CCDC61: variants seen among roughly 807,000 people sequenced by gnomAD.
CCDC61 encodes centrosomal protein CCDC61.
Under a neutral mutation model 63.0 loss-of-function variants are expected in CCDC61, and 55 were observed. That is an observed-to-expected ratio of 0.87 (90% confidence interval 0.70 to 1.09). CCDC61 has a LOEUF of 1.09. Among genes scored for constraint, CCDC61 ranks in the 50% least tolerant of loss-of-function variants. The pLI is 0.00. For missense variants in CCDC61, 651 were observed against 731.4 expected (o/e 0.89, Z 1.27); for synonymous variants, 270 against 317.0 (o/e 0.85, Z 1.58).
At chr19:46,008,861 C>T (rs577175915) in intron 5 of CCDC61, among the ~76,000 whole-genome samples, 2 of 152,190 alleles carry the variant, frequency 1.3e-5, no homozygotes, top group East Asian at 3.9e-4. Flanking sequence ...GGTACCTGAC[C>T]CTGCCTGGTA....
chr19:45,995,641 C>CT (rs1968478694), intron 1 of CCDC61, 137 bp downstream of exon 1: 1 of 358,734 alleles, frequency 2.8e-6, no homozygotes, highest in African/African-American at 2.2e-5. Flanking sequence ...GGAGGGTGCC[C>CT]TTTAACAAGG....
At position 46,017,073 on chromosome 19, in the gene CCDC61, A is replaced by C; in HGVS notation, c.1310+4A>C. 6.2e-7 allele frequency: 1 copy of C among 1,611,440 alleles called. No homozygotes were observed. Among genetic ancestry groups the C allele is most frequent in the Non-Finnish European group, 8.5e-7 (1 of 1,178,780 alleles). On this transcript the variant is annotated splice_donor_region_variant and intron_variant, in intron 11 of 13. Coordinates refer to ENST00000595358, the MANE Select transcript of CCDC61 (RefSeq NM_001267723.2). The stretch of plus-strand genomic sequence containing the variant: ...TCTCTGAGTCGCTCTCCAGAGGGTA[A>C]AACTTGAACTTGGGAAAAGGATCGC...
chr19:46,017,261 G>C lies in CCDC61; in HGVS notation c.1325G>C (p.Arg442Pro). 6.4e-7 allele frequency: 1 copy of C among 1,565,642 alleles called. No individual in the cohort carries two copies. The highest frequency in any genetic ancestry group is 8.7e-7 in the Non-Finnish European group (1 of 1,154,686). The stretch of plus-strand genomic sequence containing the variant: ...CTTTTTCTCAGGGGTCACCGCCGCC[G>C]TGGGAAGCCTCCCAGCCCAACGCCC... ...ESLSRGGHRR[R>P]GKPPSPTPWS... Residue 442 changes from arginine to proline, a missense_variant, in exon 12 of 14, where the codon CGT becomes CCT. Coordinates refer to ENST00000595358, the MANE Select transcript of CCDC61 (RefSeq NM_001267723.2).
rs764821371 is a variant in CCDC61, at chr19:46,008,301, A to C, written c.551A>C (p.Gln184Pro). 51 of 1,308,758 alleles carry C rather than the reference A, an allele frequency of 3.9e-5. No individual in the cohort carries two copies. The highest frequency in any genetic ancestry group is 5.3e-5 in the Non-Finnish European group (49 of 931,328). The allele number at this position is 1,308,758 out of a possible 1,614,324, so 81.1% of individuals were successfully genotyped here. A position where few individuals can be genotyped will look rare whatever the true frequency, so the allele number is the denominator to read the frequency against. The change falls in exon 5 of 14, where the codon CAG becomes CCG. Residue 184 changes from glutamine to proline, a missense_variant and splice_region_variant. Physicochemically the swap from Gln to Pro is moderately conservative, Grantham distance 76. Coordinates refer to ENST00000595358, the MANE Select transcript of CCDC61 (RefSeq NM_001267723.2). Reference sequence around the variant, plus strand: ...AATGAGATCTGGCATCTGCGGGAGCAGTGAGTCTTGGAGGGGTGGGCAGCT... The same window carrying C: ...AATGAGATCTGGCATCTGCGGGAGCCGTGAGTCTTGGAGGGGTGGGCAGCT... ...RENEIWHLRE[Q>P]VSRLASEKRE...
At chr19:46,005,146 A>G (rs58959585) in intron 3 of CCDC61, among the ~76,000 whole-genome samples, 2,659 of 151,972 alleles carry the variant, frequency 0.017, 56 homozygotes, top group African/African-American at 0.048. Flanking sequence ...GAGTAGCTGG[A>G]ATTACAGGCA....
intron 5 of CCDC61, among the ~76,000 whole-genome samples, chr19:46,012,637 ACT>A (rs1324056319): frequency 2.0e-5 from 3 of 148,562 alleles, no homozygotes; most frequent in Non-Finnish European, 4.5e-5. Context: ...ACAGAGGGAG[ACT>A]CTATGTGGAA....
At chr19:46,000,809 G>C (rs1968575961) in intron 1 of CCDC61, among the ~76,000 whole-genome samples, 1 of 150,018 alleles carries the variant, frequency 6.7e-6, no homozygotes, top group Non-Finnish European at 1.5e-5. Flanking sequence ...CAGTGTCTGG[G>C]ATCAGGGCGG....
chr19:46,015,682 T>TGCC lies in CCDC61; in HGVS notation c.845+256_845+258dup, dbSNP rs1306953060. 6.6e-6 allele frequency among the ~76,000 whole-genome samples: 1 copy of TGCC among 152,066 alleles called. No individual in the cohort carries two copies. Among genetic ancestry groups the TGCC allele is most frequent in the Non-Finnish European group, 1.5e-5 (1 of 67,996 alleles). The stretch of plus-strand genomic sequence containing the variant: ...TCAGGAGGGACTGGGAAAGGGATCG[T>TGCC]GCCCTAGGGTCTCCTGGTGCGAAAG... On this transcript the variant is annotated intron_variant, in intron 7 of 13. Coordinates refer to ENST00000595358, the MANE Select transcript of CCDC61 (RefSeq NM_001267723.2). The surrounding 1 kb of genome is among the most constrained non-coding windows in gnomAD (Gnocchi z 5.3).
intron 1 of CCDC61, chr19:46,000,097 T>A: frequency 4.1e-5 from 38 of 934,574 alleles, no homozygotes; most frequent in Non-Finnish European, 4.6e-5. Context: ...GAGAGGGGGC[T>A]CAGGGTCCGG....
intron 5 of CCDC61, among the ~76,000 whole-genome samples, chr19:46,009,719 T>C (rs78745377): frequency 0.29 from 43,846 of 152,142 alleles, 6,612 homozygotes; most frequent in African/African-American, 0.34. Context: ...CGCCGGTCTT[T>C]GGAGGAGCTC....
Position 46,003,150 on chromosome 19 carries a change from C to A in CCDC61, c.132C>A (p.Gly44=). Residue 44 remains glycine (G), a synonymous_variant, in exon 2 of 14, where the codon GGC becomes GGA. Coordinates refer to ENST00000595358, the MANE Select transcript of CCDC61 (RefSeq NM_001267723.2). ...GGATGACGGCTGACCAGTGGCGGGG[C>A]GAGTTCGATGCTGGCTGTGAGTGTG... is the stretch of plus-strand genomic sequence containing the variant. ...EDRMTADQWR[G]EFDAGFIEDL... 6.2e-7 allele frequency: 1 copy of A among 1,604,758 alleles called. No individual in the cohort carries two copies. The highest frequency in any genetic ancestry group is 8.5e-7 in the Non-Finnish European group (1 of 1,175,568).
At chr19:46,005,891 T>G (rs1249302539) in intron 3 of CCDC61, among the ~76,000 whole-genome samples, 2 of 152,168 alleles carry the variant, frequency 1.3e-5, no homozygotes, top group Non-Finnish European at 2.9e-5. Context: ...TCGTCATACT[T>G]TGGCGTGCAC....
chr19:45,999,923 AGGCACCGCTG>A, intron 1 of CCDC61: 5 of 673,454 alleles, frequency 7.4e-6, no homozygotes, highest in Non-Finnish European at 9.2e-6. Flanking sequence ...GGGGCCTCGA[AGGCACCGCTG>A]GGATGCGTGA....
intron 5 of CCDC61, among the ~76,000 whole-genome samples, chr19:46,009,245 C>A (rs895155872): frequency 6.6e-6 from 1 of 152,074 alleles, no homozygotes; most frequent in African/African-American, 2.4e-5. Context: ...GTGAAAGAAG[C>A]AAAGGCCTTT....
At chr19:46,008,073 G>T (rs1370256741) in intron 4 of CCDC61, 67 bp from the exon 5 acceptor site, 56 of 1,480,796 alleles carry the variant, frequency 3.8e-5, no homozygotes, top group Non-Finnish European at 3.1e-5. Context: ...GCTCTCAGAG[G>T]CTGCTGTTTA....
At chr19:46,005,135 C>G (rs932594191) in intron 3 of CCDC61, among the ~76,000 whole-genome samples, 6 of 152,184 alleles carry the variant, frequency 3.9e-5, no homozygotes, top group Non-Finnish European at 8.8e-5. Context: ...TTCAGCCTCC[C>G]GAGTAGCTGG....
intron 1 of CCDC61, among the ~76,000 whole-genome samples, chr19:46,000,720 G>A (rs1242495275): frequency 6.6e-6 from 1 of 151,990 alleles, no homozygotes; most frequent in Non-Finnish European, 1.5e-5. Context: ...AAGGGGCCGG[G>A]CAGCGGGTGA....
chr19:46,012,851 A>T (rs1401224747), intron 5 of CCDC61, among the ~76,000 whole-genome samples: 6 of 142,464 alleles, frequency 4.2e-5, no homozygotes, highest in Admixed American at 1.4e-4. Context: ...ACTTAATTTA[A>T]TTTTTTTTTT....
intron 1 of CCDC61, among the ~76,000 whole-genome samples, chr19:45,996,954 C>T (rs1243656578): frequency 6.6e-6 from 1 of 152,048 alleles, no homozygotes; most frequent in Non-Finnish European, 1.5e-5. Context: ...CCTTTCAAAC[C>T]CTCTCCTGGC....
Sources: gnomAD v4.1 joint callset for allele counts (sites outside exome capture counted in the v4.1 genomes callset) on GRCh38, gnomAD v4.1.1 for gene constraint, Gnocchi (gnomAD v3.1) non-coding constraint, MANE v1.5 for transcripts, NCBI Gene and HGNC (gene_info 2026-07-23, HGNC 2026-07-21) for gene names.